GRIK3: variants seen among roughly 807,000 people sequenced by gnomAD.
The protein encoded by GRIK3 is glutamate receptor ionotropic, kainate 3.
A neutral mutation model predicts 102.5 loss-of-function variants in GRIK3; 29 were observed. The ratio of observed to expected loss-of-function variants is 0.28; its 90% confidence interval spans 0.21 to 0.39. The LOEUF (loss-of-function observed/expected upper bound fraction) is 0.39. Ranked by LOEUF, GRIK3 falls within the 10% of genes least tolerant of loss-of-function variation. The pLI is 1.00. For synonymous variants in GRIK3, 511 were observed against 504.9 expected, an observed-to-expected ratio of 1.01 and a Z score of -0.16; for missense variants, 908 against 1,252.4, an observed-to-expected ratio of 0.73 and a Z score of 4.15.
At chr1:36,945,265 C>A (rs1226360448) in intron 1 of GRIK3, among the ~76,000 whole-genome samples, 1 of 152,210 alleles carries the variant, frequency 6.6e-6, no homozygotes, top group Non-Finnish European at 1.5e-5. Context: ...ATCACAGCAA[C>A]TAGTTTCTGG....
At chr1:36,997,827 C>A (rs1443695376) in intron 1 of GRIK3, among the ~76,000 whole-genome samples, 1 of 152,152 alleles carries the variant, frequency 6.6e-6, no homozygotes, top group African/African-American at 2.4e-5. Context: ...CCAGATACAG[C>A]CTGGGAGGGT....
chr1:36,815,213 T>C (rs762615833), intron 13 of GRIK3, among the ~76,000 whole-genome samples: 9 of 152,130 alleles, frequency 5.9e-5, no homozygotes, highest in Non-Finnish European at 1.2e-4. Context: ...TCAACCAACA[T>C]CCCTCTTGGC....
intron 2 of GRIK3, among the ~76,000 whole-genome samples, chr1:36,884,648 C>T (rs1009701239): frequency 2.0e-5 from 3 of 152,194 alleles, no homozygotes; most frequent in African/African-American, 7.2e-5. Flanking sequence ...TCTCTCCTAC[C>T]TTTGTTTTGA....
intron 13 of GRIK3, among the ~76,000 whole-genome samples, chr1:36,809,609 C>T (rs1283059419): frequency 6.6e-6 from 1 of 152,224 alleles, no homozygotes; most frequent in Non-Finnish European, 1.5e-5. Flanking sequence ...TAAACTCCTC[C>T]TTGTATCCTC....
At chr1:36,979,991 G>T (rs1418940141) in intron 1 of GRIK3, among the ~76,000 whole-genome samples, 5 of 152,160 alleles carry the variant, frequency 3.3e-5, no homozygotes, top group Non-Finnish European at 2.9e-5. Flanking sequence ...CTCTTGAGTG[G>T]CAACTCAGCA....
intron 1 of GRIK3, among the ~76,000 whole-genome samples, chr1:36,986,705 C>A (rs1642311123): frequency 6.6e-6 from 1 of 152,138 alleles, no homozygotes; most frequent in African/African-American, 2.4e-5. Flanking sequence ...GCACATCTGC[C>A]AAAGCCTGGA....
chr1:36,812,945 C>T (rs1199562982), intron 13 of GRIK3, among the ~76,000 whole-genome samples: 3 of 152,250 alleles, frequency 2.0e-5, no homozygotes, highest in Non-Finnish European at 4.4e-5. Context: ...CCCATCCTTT[C>T]ACTCAATAAC....
At chr1:36,969,299 C>T (rs1045351253) in intron 1 of GRIK3, among the ~76,000 whole-genome samples, 4 of 152,206 alleles carry the variant, frequency 2.6e-5, no homozygotes, top group African/African-American at 9.6e-5. Flanking sequence ...TCTGGTCATC[C>T]TCTCTCCATT....
chr1:37,025,374 G>A (rs1483303915), intron 1 of GRIK3, among the ~76,000 whole-genome samples: 2 of 152,152 alleles, frequency 1.3e-5, no homozygotes, highest in African/African-American at 2.4e-5. Context: ...CCACACCCAC[G>A]GAATCAGAAG....
intron 1 of GRIK3, among the ~76,000 whole-genome samples, chr1:36,963,381 C>A (rs1396251272): frequency 2.0e-5 from 3 of 152,178 alleles, no homozygotes; most frequent in Admixed American, 2.0e-4. Flanking sequence ...GAGAGTCACA[C>A]CAATGCTTCC....
chr1:36,968,124 C>G (rs997560290), intron 1 of GRIK3, among the ~76,000 whole-genome samples: 1 of 152,144 alleles, frequency 6.6e-6, no homozygotes, highest in South Asian at 2.1e-4. Flanking sequence ...CAGGTAGAAA[C>G]ATCCCTGGAA....
intron 5 of GRIK3, among the ~76,000 whole-genome samples, chr1:36,868,977 G>A (rs867331907): frequency 2.6e-5 from 4 of 152,326 alleles, no homozygotes; most frequent in Middle Eastern, 6.8e-3. Context: ...AAAAGCGACA[G>A]GATGGTCAGT....
chr1:37,011,051 AC>A (rs1642591363), intron 1 of GRIK3, among the ~76,000 whole-genome samples: 1 of 152,002 alleles, frequency 6.6e-6, no homozygotes, highest in South Asian at 2.1e-4. Context: ...TACCTGTACC[AC>A]TTTTGTCCCG....
chr1:36,891,125 G>T, intron 1 of GRIK3, 29 bp from the exon 2 acceptor site: 1 of 1,571,678 alleles, frequency 6.4e-7, no homozygotes, highest in Non-Finnish European at 8.7e-7. Flanking sequence ...ATTGTGTGTG[G>T]TTGGGAGGAG....
chr1:37,023,985 A>G (rs1023007013), intron 1 of GRIK3, among the ~76,000 whole-genome samples: 52 of 152,262 alleles, frequency 3.4e-4, no homozygotes, highest in Middle Eastern at 3.2e-3. Context: ...CAAAATATCA[A>G]CTACTAAAGG....
chr1:36,951,573 A>G (rs1171805629), intron 1 of GRIK3, among the ~76,000 whole-genome samples: 1 of 152,204 alleles, frequency 6.6e-6, no homozygotes, highest in Non-Finnish European at 1.5e-5. Flanking sequence ...ATGCAGATTA[A>G]TGAGGCCACG....
In GRIK3 at chr1:37,034,216, C is replaced by A. The variant is rs1245450179; in HGVS notation, c.-108G>T. The A allele has an allele frequency of 4.1e-5, 9 of 217,334 alleles. No homozygotes were observed. Among genetic ancestry groups the A allele is most frequent in the Non-Finnish European group, 1.8e-5 (2 of 111,098 alleles). 13.5% of individuals were successfully genotyped at this position (217,334 alleles called of 1,614,324 possible). A position where few individuals can be genotyped will look rare whatever the true frequency, so the allele number is the denominator to read the frequency against. ...CCCCGAAGGCGCCGCCTGGCCCAGCCGCCCGGCTCCCGAGCGCCGCTGCAA... is the reference window on the plus strand; with the variant it reads ...CCCCGAAGGCGCCGCCTGGCCCAGCAGCCCGGCTCCCGAGCGCCGCTGCAA... On this transcript the variant is annotated 5_prime_UTR_variant, in exon 1 of 16. Transcript: ENST00000373091.
chr1:37,027,364 C>G (rs139853050), intron 1 of GRIK3, among the ~76,000 whole-genome samples: 1 of 152,018 alleles, frequency 6.6e-6, no homozygotes, highest in East Asian at 1.9e-4. Flanking sequence ...AAATCATGCT[C>G]AATTAGGATT....
At chr1:37,032,802 G>A (rs947388288) in intron 1 of GRIK3, among the ~76,000 whole-genome samples, 4 of 152,154 alleles carry the variant, frequency 2.6e-5, no homozygotes, top group Non-Finnish European at 5.9e-5. Flanking sequence ...CGCCCAGGAG[G>A]AGACCCACCC....
Sources: allele counts gnomAD v4.1 joint callset (sites outside exome capture counted in the v4.1 genomes callset), GRCh38; gene constraint gnomAD v4.1.1; transcripts MANE v1.5; gene names NCBI Gene and HGNC (gene_info 2026-07-23, HGNC 2026-07-21).